The following GRK5 variants were observed in gnomAD, a reference collection of about 807,000 sequenced individuals.
The protein encoded by GRK5 is g protein-coupled receptor kinase GRK5.
A neutral mutation model predicts 78.4 loss-of-function variants in GRK5; 40 were observed. The ratio of observed to expected loss-of-function variants is 0.51; its 90% CI spans 0.40 to 0.66. GRK5 has a LOEUF of 0.66. Ranked by LOEUF, GRK5 falls within the 30% of genes least tolerant of loss-of-function variation. GRK5 has a pLI of 0.00. For synonymous variants in GRK5, 289 were observed against 296.8 expected, an observed-to-expected ratio of 0.97 and a Z score of 0.27; for missense variants, 598 against 759.9, an observed-to-expected ratio of 0.79 and a Z score of 2.50.
intron 2 of GRK5, among the ~76,000 whole-genome samples, chr10:119,341,527 A>G: frequency 6.6e-6 from 1 of 151,766 alleles, no homozygotes; most frequent in Non-Finnish European, 1.5e-5. Flanking sequence ...TTCATAGGTC[A>G]CCTCCTCCAG....
At position 119,431,512 on chromosome 10, in the gene GRK5, C is replaced by T; in HGVS notation, c.723C>T (p.Val241=). ...ATGAGAAGCAGATCCTCGAGAAGGT[C>T]AACAGTCAGTTTGTGGTGAGTGAGC... The part of the protein sequence containing the change: ...ALNEKQILEK[V]NSQFVVNLAY... Residue 241 remains valine (V), a synonymous_variant, in exon 8 of 16, where the codon GTC becomes GTT. Transcript: ENST00000392870. This position sits in a 1 kb window ranked among gnomAD's most constrained non-coding sequence, Gnocchi z 4.8. The T allele has an allele frequency of 1.3e-5, 21 of 1,613,556 alleles. No homozygotes were observed. Among genetic ancestry groups the T allele is most frequent in the Non-Finnish European group, 1.8e-5 (21 of 1,179,722 alleles).
At chr10:119,229,084 C>T (rs1303478967) in intron 1 of GRK5, among the ~76,000 whole-genome samples, 1 of 152,136 alleles carries the variant, frequency 6.6e-6, no homozygotes, top group African/African-American at 2.4e-5. Context: ...CTTTGTCTTT[C>T]AAATGCGAAT....
chr10:119,320,659 G>A (rs1420204949), intron 1 of GRK5, among the ~76,000 whole-genome samples: 3 of 152,228 alleles, frequency 2.0e-5, no homozygotes, highest in Non-Finnish European at 4.4e-5. Flanking sequence ...GGAAGAAGGT[G>A]CTCCTGGCAG....
chr10:119,279,762 G>A (rs1375756586), intron 1 of GRK5, among the ~76,000 whole-genome samples: 2 of 152,248 alleles, frequency 1.3e-5, no homozygotes, highest in Non-Finnish European at 2.9e-5. Flanking sequence ...TAACTGCCTG[G>A]TGTTCTAGTG....
rs997287835 is a variant in GRK5, at chr10:119,455,046, G to A, written c.1752G>A (p.Ser584=). 5.6e-6 allele frequency: 9 copies of A among 1,613,770 alleles called. No homozygotes were observed. Among genetic ancestry groups the A allele is most frequent in the South Asian group, 1.1e-5 (1 of 91,084 alleles). The change falls in exon 16 of 16, where the codon TCG becomes TCA. Residue 584 remains serine, a synonymous_variant. Coordinates refer to ENST00000392870, the MANE Select transcript of GRK5 (RefSeq NM_005308.3). ...NHHINSNHVS[S]NSTGSS Reference sequence around the variant, plus strand: ...ACATAAACTCAAACCATGTCAGCTCGAACTCCACCGGAAGCAGCTAGTTTC... The same window carrying A: ...ACATAAACTCAAACCATGTCAGCTCAAACTCCACCGGAAGCAGCTAGTTTC...
intron 1 of GRK5, among the ~76,000 whole-genome samples, chr10:119,303,047 C>A (rs1199595571): frequency 6.6e-6 from 1 of 152,122 alleles, no homozygotes; most frequent in East Asian, 1.9e-4. Context: ...GGGTCTGTGA[C>A]CCTCGTGAGG....
intron 1 of GRK5, among the ~76,000 whole-genome samples, chr10:119,210,329 C>T (rs959928784): frequency 2.0e-5 from 3 of 152,202 alleles, no homozygotes; most frequent in Non-Finnish European, 4.4e-5. Flanking sequence ...TTGCATCTCT[C>T]CCCTTCTTTC....
chr10:119,339,101 A>T (rs929277806), intron 2 of GRK5, among the ~76,000 whole-genome samples: 1 of 152,206 alleles, frequency 6.6e-6, no homozygotes, highest in Non-Finnish European at 1.5e-5. Flanking sequence ...CATTAACCTG[A>T]AATGTGATGG....
intron 2 of GRK5, among the ~76,000 whole-genome samples, chr10:119,345,832 CT>C (rs60190959): frequency 0.31 from 45,432 of 145,550 alleles, 7,418 homozygotes; most frequent in East Asian, 0.61. Flanking sequence ...AGCTGTTTGA[CT>C]TTTTTTTTTT....
intron 2 of GRK5, among the ~76,000 whole-genome samples, chr10:119,356,652 GC>G (rs1005679358): frequency 6.6e-6 from 1 of 151,980 alleles, no homozygotes; most frequent in African/African-American, 2.4e-5. Context: ...TTCCTCTTCT[GC>G]CCTTTAACCC....
In GRK5 at chr10:119,452,325, T is replaced by C. The variant is rs1564941501; in HGVS notation, c.1405-346T>C. 4 of 280,600 alleles carry C rather than the reference T, an allele frequency of 1.4e-5. No homozygotes were observed. The allele number at this position is 280,600 out of a possible 1,614,324, so 17.4% of individuals were successfully genotyped here. A position where few individuals can be genotyped will look rare whatever the true frequency, so the allele number is the denominator to read the frequency against. On this transcript the variant is annotated intron_variant, in intron 13 of 15. Transcript: ENST00000392870. This position sits in a 1 kb window ranked among gnomAD's most constrained non-coding sequence, Gnocchi z 4.4. ...ATGGGTAAGGGAGTGATGGCAGGAATGAGCCCTGGGCTGGGCACCCAGGTG... is the reference window on the plus strand; with the variant it reads ...ATGGGTAAGGGAGTGATGGCAGGAACGAGCCCTGGGCTGGGCACCCAGGTG...
intron 4 of GRK5, among the ~76,000 whole-genome samples, chr10:119,398,105 A>G (rs888638768): frequency 7.2e-5 from 11 of 152,204 alleles, no homozygotes; most frequent in African/African-American, 2.7e-4. Context: ...GGGCCTTGCT[A>G]TGCTCCAGAT....
chr10:119,249,359 A>G (rs76040760), intron 1 of GRK5, among the ~76,000 whole-genome samples: 2,509 of 152,348 alleles, frequency 0.016, 70 homozygotes, highest in African/African-American at 0.056. Flanking sequence ...TCAAATAAAT[A>G]TCATATGTAG....
intron 1 of GRK5, among the ~76,000 whole-genome samples, chr10:119,273,535 A>T (rs2133678005): frequency 6.6e-6 from 1 of 152,298 alleles, no homozygotes; most frequent in Non-Finnish European, 1.5e-5. Context: ...GGCTTTCTCA[A>T]GCCCTCCCAA....
chr10:119,335,743 C>T (rs192618800), intron 2 of GRK5, among the ~76,000 whole-genome samples: 5 of 152,348 alleles, frequency 3.3e-5, no homozygotes, highest in Admixed American at 2.0e-4. Context: ...CTGCAGTCAC[C>T]GGACTTGTGT....
chr10:119,303,979 G>A (rs1850229966), intron 1 of GRK5, among the ~76,000 whole-genome samples: 1 of 152,152 alleles, frequency 6.6e-6, no homozygotes, highest in African/African-American at 2.4e-5. Flanking sequence ...CGCCAGGGTG[G>A]TGCTGGCCCT....
rs564558966 is a variant in GRK5, at chr10:119,443,481, T to C, written c.1058-63T>C. 8.8e-5 allele frequency: 130 copies of C among 1,470,472 alleles called. No individual in the cohort carries two copies. In the South Asian group the frequency reaches 1.5e-3, roughly 17 times the overall value. 91.1% of individuals were successfully genotyped at this position (1,470,472 alleles called of 1,614,324 possible). On this transcript the variant is annotated intron_variant, in intron 11 of 15. Transcript: ENST00000392870. ...GGCGGCCATGAAACTCCAGGCCTTCTGTGAGCAGCGCCACCAGCTGTCTCC... is the reference window on the plus strand; with the variant it reads ...GGCGGCCATGAAACTCCAGGCCTTCCGTGAGCAGCGCCACCAGCTGTCTCC...
intron 1 of GRK5, among the ~76,000 whole-genome samples, chr10:119,277,996 T>A (rs1382365410): frequency 6.6e-6 from 1 of 152,236 alleles, no homozygotes; most frequent in Non-Finnish European, 1.5e-5. Context: ...CTCAACTGTT[T>A]GCGCAGGTGG....
intron 2 of GRK5, among the ~76,000 whole-genome samples, chr10:119,347,982 G>C (rs542694332): frequency 6.6e-6 from 1 of 152,178 alleles, no homozygotes; most frequent in Non-Finnish European, 1.5e-5. Context: ...GAGGGGCAGA[G>C]TGACCTCCCA....
Sources: allele counts gnomAD v4.1 joint callset (sites outside exome capture counted in the v4.1 genomes callset), GRCh38; gene constraint gnomAD v4.1.1; non-coding constraint Gnocchi (gnomAD v3.1); transcripts MANE v1.5; gene names NCBI Gene and HGNC (gene_info 2026-07-23, HGNC 2026-07-21).